The following KANSL1 variants were observed in gnomAD, a reference collection of about 807,000 sequenced individuals.
KANSL1 encodes KAT8 regulatory NSL complex subunit 1, also known as MLL1/MLL complex subunit KANSL1.
A neutral mutation model predicts 103.6 loss-of-function variants in KANSL1; 22 were observed. The observed-to-expected ratio is 0.21, with a 90% CI of 0.15 to 0.30. The LOEUF is 0.30. KANSL1 is among the 10% of genes least tolerant of loss of function. The probability of loss-of-function intolerance (pLI) is 1.00; values close to 1 mark genes in which losing one functional copy is unlikely to be tolerated. For synonymous variants in KANSL1, 600 were observed against 527.6 expected (o/e 1.14, Z -1.88); for missense variants, 1,337 against 1,399.8 (o/e 0.96, Z 0.72).
intron 6 of KANSL1, among the ~76,000 whole-genome samples, chr17:46,058,544 T>C (rs1287432050): frequency 5.3e-5 from 8 of 152,230 alleles, no homozygotes; most frequent in Admixed American, 4.6e-4. Flanking sequence ...TTGTTAGATA[T>C]GCCAAGAGGC....
At chr17:46,115,055 A>T (rs1033440016) in intron 2 of KANSL1, among the ~76,000 whole-genome samples, 2 of 151,902 alleles carry the variant, frequency 1.3e-5, no homozygotes, top group African/African-American at 4.8e-5. Context: ...TGTAAACCCA[A>T]GTTTTATTTA....
intron 6 of KANSL1, among the ~76,000 whole-genome samples, chr17:46,058,816 T>A (rs528612625): frequency 1.4e-5 from 2 of 145,714 alleles, no homozygotes; most frequent in South Asian, 4.4e-4. Flanking sequence ...AATGCTGACA[T>A]AATGACAATA....
chr17:46,147,743 G>GT (rs2044805323), intron 2 of KANSL1, among the ~76,000 whole-genome samples: 1 of 152,204 alleles, frequency 6.6e-6, no homozygotes, highest in East Asian at 1.9e-4. Context: ...GGAAGAAGTT[G>GT]TAAGTAAAAT....
At chr17:46,040,013 G>T in intron 7 of KANSL1, 129 bp from the exon 8 acceptor site, 1 of 765,906 alleles carries the variant, frequency 1.3e-6, no homozygotes, top group Non-Finnish European at 2.2e-6. Flanking sequence ...CTGTCATATG[G>T]AAGATCTGTT....
chr17:46,084,697 T>TAAAAAAAAAAAAA (rs67108405), intron 3 of KANSL1, among the ~76,000 whole-genome samples: 5 of 74,510 alleles, frequency 6.7e-5, no homozygotes, highest in African/African-American at 2.3e-4. Context: ...TTTTAAAAAT[T>TAAAAAAAAAAAAA]AAAAAAAAAA....
intron 1 of KANSL1, among the ~76,000 whole-genome samples, chr17:46,218,901 C>T (rs1277974227): frequency 6.6e-6 from 1 of 152,130 alleles, no homozygotes; most frequent in Non-Finnish European, 1.5e-5. Flanking sequence ...TTATTATTTC[C>T]AGTATGAAGG....
At chr17:46,041,915 T>TA (rs1491335810) in intron 7 of KANSL1, 34 of 91,292 alleles carry the variant, frequency 3.7e-4, no homozygotes, top group East Asian at 8.0e-4. Flanking sequence ...TGTGTGTATA[T>TA]TTTTTTTTTT....
intron 4 of KANSL1, among the ~76,000 whole-genome samples, chr17:46,075,801 GAA>G (rs139346800): frequency 5.9e-5 from 9 of 152,244 alleles, no homozygotes; most frequent in Non-Finnish European, 1.2e-4. Flanking sequence ...CTCCATCACA[GAA>G]AAGTATTTGC....
intron 2 of KANSL1, among the ~76,000 whole-genome samples, chr17:46,110,134 A>T (rs1193514693): frequency 2.0e-5 from 3 of 152,238 alleles, no homozygotes; most frequent in Non-Finnish European, 4.4e-5. Flanking sequence ...TCATCTTCAA[A>T]AAAACCTAGC....
At chr17:46,095,172 A>G (rs1390379962) in intron 2 of KANSL1, among the ~76,000 whole-genome samples, 1 of 152,272 alleles carries the variant, frequency 6.6e-6, no homozygotes, top group Non-Finnish European at 1.5e-5. Flanking sequence ...ATGATATATT[A>G]AATATCTTTA....
At chr17:46,148,084 A>T (rs1187091326) in intron 2 of KANSL1, 1 of 152,252 alleles carries the variant, frequency 6.6e-6, no homozygotes, top group African/African-American at 2.4e-5. Flanking sequence ...TGGTTTATAA[A>T]AAGTAATTAG....
At position 46,153,070 on chromosome 17, in the gene KANSL1, G is replaced by C. The variant is rs145205976; in HGVS notation, c.1289+17785C>G. The C allele has an allele frequency of 5.3e-5, 8 of 152,352 alleles. No homozygotes were observed. In the East Asian group the frequency reaches 1.5e-3, roughly 29 times the overall value. The allele number at this position is 152,352 out of a possible 1,614,324, so 9.4% of individuals were successfully genotyped here. ...TAAAGGGCTTAGGGAAGACAGCCATGCTCCTAGCTATGAAGCCTCTGTGGC... is the reference window on the plus strand; with the variant it reads ...TAAAGGGCTTAGGGAAGACAGCCATCCTCCTAGCTATGAAGCCTCTGTGGC... On this transcript the variant is annotated intron_variant, in intron 2 of 14. Coordinates refer to ENST00000432791, the MANE Select transcript of KANSL1 (RefSeq NM_015443.4).
intron 1 of KANSL1, among the ~76,000 whole-genome samples, chr17:46,191,219 G>A (rs570290135): frequency 6.6e-6 from 1 of 152,246 alleles, no homozygotes; most frequent in East Asian, 1.9e-4. Flanking sequence ...AGGATTAAAA[G>A]TAAAAATTTT....
At chr17:46,050,448 G>A in intron 7 of KANSL1, 85 bp downstream of exon 7, 1 of 1,359,290 alleles carries the variant, frequency 7.4e-7, no homozygotes, top group Non-Finnish European at 1.0e-6. Flanking sequence ...TATCTGAGTT[G>A]TAACTGCACC....
intron 1 of KANSL1, 123 bp from the exon 2 acceptor site, chr17:46,172,355 G>A (rs2046330414): frequency 3.3e-6 from 2 of 600,732 alleles, no homozygotes; most frequent in East Asian, 3.0e-5. Flanking sequence ...ACACTCTGGA[G>A]CTAACTGTAC....
chr17:46,168,633 G>A (rs1027604173), intron 2 of KANSL1, among the ~76,000 whole-genome samples: 1 of 152,240 alleles, frequency 6.6e-6, no homozygotes, highest in Non-Finnish European at 1.5e-5. Context: ...TTACAGGAGT[G>A]AGCCACCGTG....
At chr17:46,156,819 A>T (rs2045455743) in intron 2 of KANSL1, 1 of 151,802 alleles carries the variant, frequency 6.6e-6, no homozygotes, top group Non-Finnish European at 1.5e-5. Flanking sequence ...GAATCGCTTG[A>T]ACCAGGGAGG....
chr17:46,169,083 A>G (rs559184081), intron 2 of KANSL1, among the ~76,000 whole-genome samples: 3 of 152,248 alleles, frequency 2.0e-5, no homozygotes, highest in Admixed American at 6.5e-5. Context: ...AAATAAGTGC[A>G]TGCAATTTAA....
intron 6 of KANSL1, among the ~76,000 whole-genome samples, chr17:46,058,477 T>C (rs1228350868): frequency 6.6e-6 from 1 of 152,190 alleles, no homozygotes; most frequent in Non-Finnish European, 1.5e-5. Flanking sequence ...ACAATCCACA[T>C]GCTACAAGCA....
Sources: allele counts gnomAD v4.1 joint callset (sites outside exome capture counted in the v4.1 genomes callset), GRCh38; gene constraint gnomAD v4.1.1; transcripts MANE v1.5; gene names NCBI Gene and HGNC (gene_info 2026-07-23, HGNC 2026-07-21).